CDH8: variants seen among roughly 807,000 people sequenced by gnomAD.
The protein encoded by CDH8 is cadherin 8.
Under a neutral mutation model 68.1 loss-of-function variants are expected in CDH8, and 17 were observed. The ratio of observed to expected loss-of-function variants is 0.25; its 90% CI spans 0.17 to 0.37. The LOEUF (loss-of-function observed/expected upper bound fraction) is 0.37. CDH8 is among the 10% of genes least tolerant of loss of function. CDH8 has a pLI of 1.00. For missense variants in CDH8, 763 were observed against 999.3 expected (o/e 0.76, Z 3.19); for synonymous variants, 372 against 365.1 (o/e 1.02, Z -0.21).
At chr16:61,656,223 T>A (rs1963445427) in intron 10 of CDH8, among the ~76,000 whole-genome samples, 1 of 152,214 alleles carries the variant, frequency 6.6e-6, no homozygotes, top group African/African-American at 2.4e-5. Flanking sequence ...GTTGAATGAA[T>A]GGGACCCCCT....
intron 3 of CDH8, among the ~76,000 whole-genome samples, chr16:61,878,614 T>G (rs1427389216): frequency 1.3e-5 from 2 of 152,200 alleles, no homozygotes; most frequent in Admixed American, 1.3e-4. Context: ...ATGATGATGA[T>G]AATGATGTTG....
intron 2 of CDH8, among the ~76,000 whole-genome samples, chr16:61,992,316 T>G (rs1394106745): frequency 6.6e-6 from 1 of 151,198 alleles, no homozygotes; most frequent in Non-Finnish European, 1.5e-5. Context: ...TTGGAAATCA[T>G]CATTCTCAGT....
chr16:61,827,857 G>A (rs1174343060), intron 4 of CDH8, among the ~76,000 whole-genome samples: 1 of 151,876 alleles, frequency 6.6e-6, no homozygotes, highest in South Asian at 2.1e-4. Context: ...CCCCCAAAAC[G>A]TAACTGCTAA....
intron 5 of CDH8, among the ~76,000 whole-genome samples, chr16:61,823,952 C>T (rs1034964476): frequency 6.6e-6 from 1 of 151,488 alleles, no homozygotes; most frequent in African/African-American, 2.4e-5. Flanking sequence ...GAAACCACTG[C>T]CTTGGAAAGA....
At chr16:61,848,390 A>G (rs561190485) in intron 4 of CDH8, among the ~76,000 whole-genome samples, 1 of 152,244 alleles carries the variant, frequency 6.6e-6, no homozygotes, top group African/African-American at 2.4e-5. Context: ...GCTATGGTCA[A>G]CACTGGAAAG....
chr16:61,675,627 TAAA>T (rs201984187), intron 10 of CDH8, among the ~76,000 whole-genome samples: 34 of 43,702 alleles, frequency 7.8e-4, no homozygotes, highest in African/African-American at 3.1e-3. Context: ...ATAAAAAAAA[TAAA>T]AAAAAATAAA....
chr16:61,744,316 C>G (rs1959958179), intron 8 of CDH8, among the ~76,000 whole-genome samples: 1 of 152,066 alleles, frequency 6.6e-6, no homozygotes, highest in Admixed American at 6.6e-5. Context: ...ATTTTTACAT[C>G]TTGCTGAATT....
intron 8 of CDH8, among the ~76,000 whole-genome samples, chr16:61,751,240 A>T (rs1960149911): frequency 6.6e-6 from 1 of 151,990 alleles, no homozygotes; most frequent in African/African-American, 2.4e-5. Flanking sequence ...TCTTGCAGTT[A>T]TGCAACATAT....
chr16:61,985,176 G>A (rs1343927377), intron 2 of CDH8, among the ~76,000 whole-genome samples: 1 of 151,546 alleles, frequency 6.6e-6, no homozygotes, highest in East Asian at 1.9e-4. Context: ...TAGATGGTAA[G>A]ACTAACATCC....
chr16:61,714,088 G>A, intron 9 of CDH8, 130 bp from the exon 10 acceptor site: 1 of 701,168 alleles, frequency 1.4e-6, no homozygotes, highest in Admixed American at 2.4e-5. Context: ...TTTCTAAATT[G>A]TCATGGATGG....
intron 2 of CDH8, among the ~76,000 whole-genome samples, chr16:61,959,536 C>G (rs532400003): frequency 7.7e-6 from 1 of 129,612 alleles, no homozygotes; most frequent in South Asian, 2.8e-4. Context: ...CTCTCTCTCT[C>G]TCTCTCTGTG....
Position 61,960,252 on chromosome 16 carries a change from T to TAC in CDH8, c.253-58781_253-58780dup, listed in dbSNP as rs541010069. Among the ~76,000 whole-genome samples, 39 of 101,256 alleles carry TAC rather than the reference T, an allele frequency of 3.9e-4. 10 individuals carry two copies. Among genetic ancestry groups the TAC allele is most frequent in the Admixed American group, 1.3e-3 (14 of 10,788 alleles). 66.4% of individuals were successfully genotyped at this position (101,256 alleles called of 152,430 possible). On this transcript the variant is annotated intron_variant, in intron 2 of 11. Transcript: ENST00000577390. ...ACACATATATACATGTGTGTGTGTA[T>TAC]ACACATACATATATACGTGTGTGTG...
intron 10 of CDH8, among the ~76,000 whole-genome samples, chr16:61,670,610 A>G (rs1333023700): frequency 6.6e-6 from 1 of 152,060 alleles, no homozygotes; most frequent in Non-Finnish European, 1.5e-5. Context: ...CCATAAATAC[A>G]TAGAATTATT....
chr16:61,807,660 A>G (rs1339744676), intron 7 of CDH8, among the ~76,000 whole-genome samples: 2 of 152,152 alleles, frequency 1.3e-5, no homozygotes, highest in African/African-American at 4.8e-5. Flanking sequence ...GCCTCCAGCT[A>G]TCCACTACTT....
intron 2 of CDH8, among the ~76,000 whole-genome samples, chr16:61,949,160 G>T (rs1054962615): frequency 2.0e-5 from 3 of 152,172 alleles, no homozygotes; most frequent in African/African-American, 7.2e-5. Context: ...AAAGACATGG[G>T]TATCAGGCTT....
Position 62,027,357 on chromosome 16 carries a change from C to T in CDH8, c.-199-5755G>A, listed in dbSNP as rs117176391. On this transcript the variant is annotated intron_variant, in intron 1 of 11. Coordinates refer to ENST00000577390, the MANE Select transcript of CDH8 (RefSeq NM_001796.5). ...TAAGTCATTATGCAAAAACATATTA[C>T]ACCATCCGTTTTGTAAATAATGTGG... Among the ~76,000 whole-genome samples, 678 of 152,284 alleles carry T rather than the reference C, an allele frequency of 4.5e-3. 6 individuals carry two copies. Among genetic ancestry groups the T allele is most frequent in the East Asian group, 0.036 (185 of 5,178 alleles).
intron 2 of CDH8, among the ~76,000 whole-genome samples, chr16:62,012,399 C>G (rs905902543): frequency 6.6e-6 from 1 of 152,226 alleles, no homozygotes. Context: ...TGTTCTTTCT[C>G]TCTTCACGGT....
intron 2 of CDH8, among the ~76,000 whole-genome samples, chr16:61,911,899 G>A (rs905252244): frequency 1.3e-5 from 2 of 151,980 alleles, no homozygotes; most frequent in South Asian, 4.1e-4. Context: ...TCCAAAGGGC[G>A]AGCCACAGAG....
At position 61,985,918 on chromosome 16, in the gene CDH8, CTTTTTTTTTTTTTT is replaced by C. The variant is rs71134380; in HGVS notation, c.252+35220_252+35233del. ...ATCTGTATTTCTTTTCCTTTCTTTA[CTTTTTTTTTTTTTT>C]TTTTTTTTTGAGACAGAGTCTCACT... On this transcript the variant is annotated intron_variant, in intron 2 of 11. Transcript: ENST00000577390. 7.6e-3 allele frequency among the ~76,000 whole-genome samples: 693 copies of C among 91,148 alleles called. 7 individuals carry two copies. The highest frequency in any genetic ancestry group is 8.5e-3 in the Non-Finnish European group (410 of 48,434). The allele number at this position is 91,148 out of a possible 152,430, so 59.8% of individuals were successfully genotyped here. A position where few individuals can be genotyped will look rare whatever the true frequency, so the allele number is the denominator to read the frequency against.
Sources: allele counts gnomAD v4.1 joint callset (sites outside exome capture counted in the v4.1 genomes callset), GRCh38; gene constraint gnomAD v4.1.1; transcripts MANE v1.5; gene names NCBI Gene and HGNC (gene_info 2026-07-23, HGNC 2026-07-21).